The following COL7A1 variants were observed in gnomAD, a reference collection of about 807,000 sequenced individuals.
COL7A1 encodes collagen type VII alpha 1 chain.
COL7A1 carries 296 observed loss-of-function variants against 456.2 expected under a neutral mutation model. The ratio of observed to expected loss-of-function variants is 0.65; its 90% CI spans 0.59 to 0.71. The LOEUF is 0.71. Among genes scored for constraint, COL7A1 ranks in the 30% least tolerant of loss-of-function variants. The pLI, the probability that COL7A1 is intolerant of heterozygous loss-of-function variation, is 0.00. For missense variants in COL7A1, 3,441 were observed against 4,017.2 expected (o/e 0.86, Z 3.88); for synonymous variants, 1,464 against 1,525.9 (o/e 0.96, Z 0.95).
Position 48,580,223 on chromosome 3 carries a change from C to G in COL7A1, c.5097+77G>C. 6.4e-7 allele frequency: 1 copy of G among 1,572,570 alleles called. No individual in the cohort carries two copies. Among genetic ancestry groups the G allele is most frequent in the Non-Finnish European group, 8.7e-7 (1 of 1,152,932 alleles). On this transcript the variant is annotated intron_variant, in intron 56 of 118. Transcript: ENST00000681320. This position sits in a 1 kb window ranked among gnomAD's most constrained non-coding sequence, Gnocchi z 4.5. ...GCTTCCCACCTGGACCTCCAGACCC[C>G]TTGTGTGAAGGCACACTGGCAGCAG...
In COL7A1 at chr3:48,579,713, C is replaced by G; in HGVS notation, c.5155-45G>C. On this transcript the variant is annotated intron_variant, in intron 58 of 118. Coordinates refer to ENST00000681320, the MANE Select transcript of COL7A1 (RefSeq NM_000094.4). This position sits in a 1 kb window ranked among gnomAD's most constrained non-coding sequence, Gnocchi z 4.4. ...GCTGAGGAACAGCCTTGAAGCCAAG[C>G]CATGCCCAAGGTAGAACCTGCTGGG... The G allele has an allele frequency of 6.2e-7, 1 of 1,613,882 alleles. No homozygotes were observed. Among genetic ancestry groups the G allele is most frequent in the Non-Finnish European group, 8.5e-7 (1 of 1,179,990 alleles).
Position 48,587,431 on chromosome 3 carries a change from C to T in COL7A1, c.2981G>A (p.Gly994Asp). ...SYILSWRPLR[G>D]PGQEVPGSPQ... is the part of the protein sequence containing the mutation. ...GGCCTCCCCCTCACCCTGGCCAGGGCCTCTGAGTGGCCGCCAGGATAGGAT... is the reference window on the plus strand; with the variant it reads ...GGCCTCCCCCTCACCCTGGCCAGGGTCTCTGAGTGGCCGCCAGGATAGGAT... Residue 994 changes from glycine (G) to aspartate (D), a missense_variant, in exon 23 of 119, where the codon GGC becomes GAC. This residue lies in a region of COL7A1 where 444 missense variants were observed against 427.6 expected (regional missense o/e 1.04). Transcript: ENST00000681320. The surrounding 1 kb of genome is among the most constrained non-coding windows in gnomAD (Gnocchi z 6.1). The T allele has an allele frequency of 6.2e-7, 1 of 1,613,284 alleles. No homozygotes were observed. Among genetic ancestry groups the T allele is most frequent in the South Asian group, 1.1e-5 (1 of 91,074 alleles).
rs1483525482 is a variant in COL7A1, at chr3:48,576,980, G to T, written c.5568+12C>A. 1.9e-6 allele frequency: 3 copies of T among 1,613,904 alleles called. No homozygotes were observed. The highest frequency in any genetic ancestry group is 2.5e-6 in the Non-Finnish European group (3 of 1,180,026). Reference sequence around the variant, plus strand: ...AGCAGAGACCAGAGAGACCCCAGGTGGGGGACTTTACCTTCCTCCCGTCTT... The same window carrying T: ...AGCAGAGACCAGAGAGACCCCAGGTTGGGGACTTTACCTTCCTCCCGTCTT... On this transcript the variant is annotated intron_variant, in intron 66 of 118. Transcript: ENST00000681320.
Position 48,584,051 on chromosome 3 carries a change from C to A in COL7A1, c.4208G>T (p.Gly1403Val). ...LPGTAMKGDK[G>V]DRGERGPPGP... is the part of the protein sequence containing the mutation. ...CTCACTTACCCGCTCCCCACGATCG[C>A]CTTTGTCACCCTAGAAAACAGATGA... is the stretch of plus-strand genomic sequence containing the variant. Residue 1403 changes from glycine to valine, a missense_variant, in exon 38 of 119, where the codon GGC becomes GTC. Gly to Val is a moderately radical substitution (Grantham distance 109). Transcript: ENST00000681320. The A allele has an allele frequency of 6.2e-7, 1 of 1,614,164 alleles. No homozygotes were observed. Among genetic ancestry groups the A allele is most frequent in the Non-Finnish European group, 8.5e-7 (1 of 1,180,032 alleles).
chr3:48,581,266 T>C lies in COL7A1; in HGVS notation c.4893A>G (p.Gly1631=). Residue 1631 remains glycine (G), a synonymous_variant, in exon 52 of 119, where the codon GGA becomes GGG. Coordinates refer to ENST00000681320, the MANE Select transcript of COL7A1 (RefSeq NM_000094.4). The surrounding 1 kb of genome is among the most constrained non-coding windows in gnomAD (Gnocchi z 5.8). ...PGPPGPVGPR[G]RDGEVGEKGD... ...CCCGACTCCAGCCTCTTACATCTCG[T>C]CCTCGGGGGCCAACAGGTCCTGGGG... 1 of 1,613,346 alleles carries C rather than the reference T, an allele frequency of 6.2e-7. No homozygotes were observed. The highest frequency in any genetic ancestry group is 8.5e-7 in the Non-Finnish European group (1 of 1,179,818).
In COL7A1 at chr3:48,565,306, T is replaced by C; in HGVS notation, c.8527+104A>G. On this transcript the variant is annotated intron_variant, in intron 116 of 118. Transcript: ENST00000681320. The surrounding 1 kb of genome is among the most constrained non-coding windows in gnomAD (Gnocchi z 4.5). ...GCACACAGTGCCCATGCGTGTGCCC[T>C]GCATGCAGACCCTACGTGCTTGGCG... 6.7e-7 allele frequency: 1 copy of C among 1,490,796 alleles called. No homozygotes were observed. The highest frequency in any genetic ancestry group is 1.2e-5 in the South Asian group (1 of 85,102). The allele number at this position is 1,490,796 out of a possible 1,614,324, so 92.3% of individuals were successfully genotyped here. A position where few individuals can be genotyped will look rare whatever the true frequency, so the allele number is the denominator to read the frequency against.
rs1560196762 is a variant in COL7A1 at position 48,567,907 on chromosome 3, AGAT to A, written c.7876-19_7876-17del. Reference sequence around the variant, plus strand: ...CCCGTTCACCCTGAGGGAGAAAAGCAGATGAAGAAGTGATTCCCAGACACCTCA... The same window carrying A: ...CCCGTTCACCCTGAGGGAGAAAAGCAGAAGAAGTGATTCCCAGACACCTCA... On this transcript the variant is annotated splice_polypyrimidine_tract_variant and intron_variant, in intron 106 of 118. Transcript: ENST00000681320. This position sits in a 1 kb window ranked among gnomAD's most constrained non-coding sequence, Gnocchi z 4.3. The A allele has an allele frequency of 6.2e-7, 1 of 1,614,070 alleles. No individual in the cohort carries two copies. The highest frequency in any genetic ancestry group is 2.2e-5 in the East Asian group (1 of 44,874).
At chr3:48,584,091 TG>T in intron 37 of COL7A1, 30 bp from the exon 38 acceptor site, 1 of 1,614,148 alleles carries the variant, frequency 6.2e-7, no homozygotes, top group East Asian at 2.2e-5. Context: ...CCCATGACCC[TG>T]GGCCACACCT....
rs539565729 is a variant in COL7A1 at position 48,567,617 on chromosome 3, C to T, written c.8003G>A (p.Gly2668Asp). Residue 2668 changes from glycine (G) to aspartate (D), a missense_variant, in exon 109 of 119, where the codon GGC (glycine) becomes GAC (aspartate). By Grantham distance (94) the Gly-to-Asp change is moderately conservative (BLOSUM62 -1). Transcript: ENST00000681320. The surrounding 1 kb of genome is among the most constrained non-coding windows in gnomAD (Gnocchi z 4.3). ...KGEMGEPGVP[G>D]QSGAPGKEGL... ...CTCCTTGCCAGGGGCCCCCGACTGGCCCGGCACACCAGGCTCCCCCTGGAG... is the reference window on the plus strand; with the variant it reads ...CTCCTTGCCAGGGGCCCCCGACTGGTCCGGCACACCAGGCTCCCCCTGGAG... The T allele has an allele frequency of 6.2e-7, 1 of 1,614,044 alleles. No individual in the cohort carries two copies. Among genetic ancestry groups the T allele is most frequent in the South Asian group, 1.1e-5 (1 of 91,080 alleles).
In COL7A1 at chr3:48,566,692, C is replaced by A. The variant is rs1412140004; in HGVS notation, c.8272G>T (p.Val2758Phe). 5.6e-6 allele frequency: 9 copies of A among 1,613,856 alleles called. No homozygotes were observed. Among genetic ancestry groups the A allele is most frequent in the Non-Finnish European group, 7.6e-6 (9 of 1,179,932 alleles). The change falls in exon 112 of 119, where the codon GTC becomes TTC. Residue 2758 changes from valine to phenylalanine, a missense_variant. By Grantham distance (50) the Val-to-Phe change is conservative (BLOSUM62 -1). This residue lies in a region of COL7A1 where 2,084 missense variants were observed against 2,501.3 expected (regional missense o/e 0.83). Coordinates refer to ENST00000681320, the MANE Select transcript of COL7A1 (RefSeq NM_000094.4). This position sits in a 1 kb window ranked among gnomAD's most constrained non-coding sequence, Gnocchi z 5.9. ...PGERVVGAPG[V>F]PGAPGERGEQ... ...CCTCTCTCGCCAGGAGCTCCAGGGA[C>A]CCCAGGAGCCCCCACCACTCTCTCT... is the stretch of plus-strand genomic sequence containing the variant.
rs975692627 is a variant in COL7A1, at chr3:48,590,091, G to A, written c.2050+122C>T. The A allele has an allele frequency of 2.8e-6, 3 of 1,065,608 alleles. No homozygotes were observed. Among genetic ancestry groups the A allele is most frequent in the Non-Finnish European group, 4.1e-6 (3 of 731,892 alleles). 66.0% of individuals were successfully genotyped at this position (1,065,608 alleles called of 1,614,324 possible). A position where few individuals can be genotyped will look rare whatever the true frequency, so the allele number is the denominator to read the frequency against. On this transcript the variant is annotated intron_variant, in intron 16 of 118. Coordinates refer to ENST00000681320, the MANE Select transcript of COL7A1 (RefSeq NM_000094.4). This position sits in a 1 kb window ranked among gnomAD's most constrained non-coding sequence, Gnocchi z 4.6. The stretch of plus-strand genomic sequence containing the variant: ...GGAAGCAGCGTCTCTGAGGGAGGAG[G>A]GAGTGGGATTCTGAAGGGGGAGGCA...
At position 48,592,664 on chromosome 3, in the gene COL7A1, C is replaced by T. The variant is rs1237940526; in HGVS notation, c.882G>A (p.Leu294=). ...NVPAGETSVR[L]RGLRPLTEYQ... ...ACTCGGTCAGTGGCCGGAGACCCCG[C>T]AGCCGCACACTGGTCTCACCAGCTG... The change falls in exon 8 of 119, where the codon CTG becomes CTA. Residue 294 remains leucine (L), a synonymous_variant. Coordinates refer to ENST00000681320, the MANE Select transcript of COL7A1 (RefSeq NM_000094.4). This position sits in a 1 kb window ranked among gnomAD's most constrained non-coding sequence, Gnocchi z 7.6. 6.2e-7 allele frequency: 1 copy of T among 1,613,964 alleles called. No homozygotes were observed. The highest frequency in any genetic ancestry group is 1.7e-5 in the Admixed American group (1 of 60,036).
Position 48,568,547 on chromosome 3 carries a change from C to G in COL7A1, c.7759-13G>C. The G allele has an allele frequency of 1.2e-6, 2 of 1,606,754 alleles. No individual in the cohort carries two copies. The highest frequency in any genetic ancestry group is 1.7e-6 in the Non-Finnish European group (2 of 1,174,868). Reference sequence around the variant, plus strand: ...CACCAGGTTGACCCTGTGAGAAACACAGATGGGGGAGCCCTTCAGTGGGAC... The same window carrying G: ...CACCAGGTTGACCCTGTGAGAAACAGAGATGGGGGAGCCCTTCAGTGGGAC... On this transcript the variant is annotated splice_polypyrimidine_tract_variant and intron_variant, in intron 104 of 118. Transcript: ENST00000681320. This position sits in a 1 kb window ranked among gnomAD's most constrained non-coding sequence, Gnocchi z 5.2.
rs762087456 is a variant in COL7A1, at chr3:48,586,505, T to TG, written c.3404-28dup. 6.2e-7 allele frequency: 1 copy of TG among 1,613,754 alleles called. No individual in the cohort carries two copies. The highest frequency in any genetic ancestry group is 8.5e-7 in the Non-Finnish European group (1 of 1,180,036). On this transcript the variant is annotated intron_variant, in intron 26 of 118. Transcript: ENST00000681320. This position sits in a 1 kb window ranked among gnomAD's most constrained non-coding sequence, Gnocchi z 5.1. Reference sequence around the variant, plus strand: ...TGGAAGGAAGGACATGTCAGAACCCTGGGGCACCAAGCTCCCAGTGGATAG... The same window carrying TG: ...TGGAAGGAAGGACATGTCAGAACCCTGGGGGCACCAAGCTCCCAGTGGATAG...
chr3:48,567,708 A>G lies in COL7A1; in HGVS notation c.7983+2T>C, dbSNP rs775817429. 1.2e-6 allele frequency: 2 copies of G among 1,613,492 alleles called. No individual in the cohort carries two copies. Among genetic ancestry groups the G allele is most frequent in the South Asian group, 1.1e-5 (1 of 91,060 alleles). On this transcript the variant is annotated splice_donor_variant, in intron 108 of 118. Transcript: ENST00000681320. LOFTEE classifies it high-confidence loss of function. This position sits in a 1 kb window ranked among gnomAD's most constrained non-coding sequence, Gnocchi z 4.3. ...CCTCATTCTGAGCGTGCCCACACTC[A>G]CCATCTCTCCTTTGTGTCCTGCCAG...
rs1176816338 is a variant in COL7A1, at chr3:48,588,923, C to T, written c.2387G>A (p.Trp796Ter). 1.2e-6 allele frequency: 2 copies of T among 1,613,558 alleles called. No homozygotes were observed. The highest frequency in any genetic ancestry group is 1.7e-6 in the Non-Finnish European group (2 of 1,180,048). Residue 796 changes from tryptophan (W) to a stop codon, truncating the protein, a stop_gained, in exon 19 of 119, where the codon TGG (tryptophan) becomes TAG (stop). Transcript: ENST00000681320. LOFTEE classifies it high-confidence loss of function. The surrounding 1 kb of genome is among the most constrained non-coding windows in gnomAD (Gnocchi z 4.6). The stretch of plus-strand genomic sequence containing the variant: ...AGCTGTGGCTCCAGTGACCCCTACC[C>T]AGGTGATCCGTAGAACGTCGCTGGA... ...NASSDVLRITWVGVTGATAYR... is the reference protein window; with the variant it reads ...NASSDVLRIT
Position 48,567,837 on chromosome 3 carries a change from C to A in COL7A1, c.7929+1G>T. ...CCCCCCAGCCCCCATCCCCTCTGTA[C>A]CTTGTCTCCCTTCTCTCCATCAAGG... On this transcript the variant is annotated splice_donor_variant, in intron 107 of 118. Coordinates refer to ENST00000681320, the MANE Select transcript of COL7A1 (RefSeq NM_000094.4). LOFTEE classifies it high-confidence loss of function. The surrounding 1 kb of genome is among the most constrained non-coding windows in gnomAD (Gnocchi z 4.3). The A allele has an allele frequency of 6.2e-7, 1 of 1,614,068 alleles. No individual in the cohort carries two copies. Among genetic ancestry groups the A allele is most frequent in the African/African-American group, 1.3e-5 (1 of 74,984 alleles).
At position 48,569,003 on chromosome 3, in the gene COL7A1, G is replaced by A; in HGVS notation, c.7687-148C>T. 2 of 786,374 alleles carry A rather than the reference G, an allele frequency of 2.5e-6. No homozygotes were observed. The highest frequency in any genetic ancestry group is 3.1e-5 in the South Asian group (2 of 65,304). 48.7% of individuals were successfully genotyped at this position (786,374 alleles called of 1,614,324 possible). A position where few individuals can be genotyped will look rare whatever the true frequency, so the allele number is the denominator to read the frequency against. ...CTCCCAGCCTGTGCCATAGCGGGTG[G>A]AACTGGGGGCTGTAGTCCACAGACT... On this transcript the variant is annotated intron_variant, in intron 103 of 118. Coordinates refer to ENST00000681320, the MANE Select transcript of COL7A1 (RefSeq NM_000094.4). The surrounding 1 kb of genome is among the most constrained non-coding windows in gnomAD (Gnocchi z 4.9).
Position 48,591,352 on chromosome 3 carries a change from G to T in COL7A1, c.1636+112C>A. On this transcript the variant is annotated intron_variant, in intron 13 of 118. Coordinates refer to ENST00000681320, the MANE Select transcript of COL7A1 (RefSeq NM_000094.4). The surrounding 1 kb of genome is among the most constrained non-coding windows in gnomAD (Gnocchi z 7.0). Reference sequence around the variant, plus strand: ...GGGAAGCAGATGGATAACGAGACAGGGAGGAGACTATAGGGACCCAGGTGT... The same window carrying T: ...GGGAAGCAGATGGATAACGAGACAGTGAGGAGACTATAGGGACCCAGGTGT... The T allele has an allele frequency of 7.0e-7, 1 of 1,421,626 alleles. No individual in the cohort carries two copies. Among genetic ancestry groups the T allele is most frequent in the South Asian group, 1.3e-5 (1 of 78,308 alleles). The allele number at this position is 1,421,626 out of a possible 1,614,324, so 88.1% of individuals were successfully genotyped here.
Sources: gnomAD v4.1 joint callset for allele counts on GRCh38, gnomAD v4.1.1 for gene constraint, gnomAD v4.1.1 regional missense constraint, Gnocchi (gnomAD v3.1) non-coding constraint, MANE v1.5 for transcripts, NCBI Gene and HGNC (gene_info 2026-07-23, HGNC 2026-07-21) for gene names.